The following TRIP4 variants were observed in gnomAD, a reference collection of about 807,000 sequenced individuals.
TRIP4 encodes the protein thyroid hormone receptor interactor 4, also known as activating signal cointegrator 1.
TRIP4 carries 54 observed loss-of-function variants against 81.8 expected under a neutral mutation model. The observed-to-expected ratio is 0.66, with a 90% CI of 0.53 to 0.83. The LOEUF (loss-of-function observed/expected upper bound fraction) is 0.83. Ranked by LOEUF, TRIP4 falls within the 40% of genes least tolerant of loss-of-function variation. TRIP4 has a pLI of 0.00. For missense variants in TRIP4, 662 were observed against 683.6 expected (o/e 0.97, Z 0.35); for synonymous variants, 270 against 242.8 (o/e 1.11, Z -1.04).
At chr15:64,451,019 A>C (rs1892745892) in intron 12 of TRIP4, 1 of 186,054 alleles carries the variant, frequency 5.4e-6, no homozygotes, top group African/African-American at 2.3e-5. Context: ...ATGAAAGGTG[A>C]AATTGAAACC....
chr15:64,424,890 C>G (rs990562278), intron 10 of TRIP4, among the ~76,000 whole-genome samples: 2 of 152,150 alleles, frequency 1.3e-5, no homozygotes, highest in African/African-American at 2.4e-5. Flanking sequence ...ATTCTCCTGC[C>G]TCAGCCTTCC....
chr15:64,418,874 G>A lies in TRIP4; in HGVS notation c.1358+146G>A, dbSNP rs1186441825. 1.5e-5 allele frequency: 11 copies of A among 717,856 alleles called. No individual in the cohort carries two copies. The Admixed American group carries it at 4.1e-4, about 27-fold the overall frequency. 44.5% of individuals were successfully genotyped at this position (717,856 alleles called of 1,614,324 possible). A position where few individuals can be genotyped will look rare whatever the true frequency, so the allele number is the denominator to read the frequency against. On this transcript the variant is annotated intron_variant, in intron 9 of 12. Transcript: ENST00000261884. ...ATAGAACTTTGAACAACATATTCAT[G>A]TTACTGACTTGGTAGCAGTATATTT...
At position 64,400,626 on chromosome 15, in the gene TRIP4, A is replaced by G. The variant is rs913500572; in HGVS notation, c.619-117A>G. 11 of 743,184 alleles carry G rather than the reference A, an allele frequency of 1.5e-5. No homozygotes were observed. The African/African-American group carries it at 1.9e-4, about 13-fold the overall frequency. The allele number at this position is 743,184 out of a possible 1,614,324, so 46.0% of individuals were successfully genotyped here. A position where few individuals can be genotyped will look rare whatever the true frequency, so the allele number is the denominator to read the frequency against. ...TGGTGTGTTTGGATTAAAAAACACC[A>G]ATAGTCTCATTATTTTATCATCATC... On this transcript the variant is annotated intron_variant, in intron 4 of 12. Transcript: ENST00000261884.
intron 12 of TRIP4, among the ~76,000 whole-genome samples, chr15:64,450,393 GAAAAAAA>G (rs1005400086): frequency 4.7e-4 from 22 of 46,930 alleles, no homozygotes; most frequent in African/African-American, 1.2e-3. Context: ...CGTCTCAAAA[GAAAAAAA>G]AAAAAAAAAA....
At chr15:64,416,740 C>G (rs994777466) in intron 8 of TRIP4, among the ~76,000 whole-genome samples, 4 of 151,994 alleles carry the variant, frequency 2.6e-5, no homozygotes, top group African/African-American at 9.6e-5. Flanking sequence ...AAGCAAGAAC[C>G]GTATCTTTTT....
intron 7 of TRIP4, among the ~76,000 whole-genome samples, chr15:64,410,591 A>T (rs1432649909): frequency 6.6e-6 from 1 of 152,226 alleles, no homozygotes; most frequent in Non-Finnish European, 1.5e-5. Flanking sequence ...TGCTGTAATA[A>T]GTTTCACTAA....
At chr15:64,424,547 T>C (rs1596351426) in intron 10 of TRIP4, among the ~76,000 whole-genome samples, 1 of 152,214 alleles carries the variant, frequency 6.6e-6, no homozygotes, top group Admixed American at 6.5e-5. Context: ...TCAAAGTTGA[T>C]TGATTTAAGC....
chr15:64,390,770 C>T (rs974807538), intron 1 of TRIP4, among the ~76,000 whole-genome samples: 64 of 151,726 alleles, frequency 4.2e-4, no homozygotes, highest in African/African-American at 1.5e-3. Flanking sequence ...TGACGGGCAC[C>T]TGTAATCCCA....
intron 2 of TRIP4, among the ~76,000 whole-genome samples, chr15:64,394,604 C>CAA (rs71133423): frequency 3.0e-4 from 16 of 52,934 alleles, no homozygotes; most frequent in African/African-American, 4.5e-4. Context: ...GACTCCATCT[C>CAA]AAAAAAAAAA....
chr15:64,452,229 G>A (rs990120206), intron 12 of TRIP4, among the ~76,000 whole-genome samples: 1 of 152,126 alleles, frequency 6.6e-6, no homozygotes, highest in Non-Finnish European at 1.5e-5. Flanking sequence ...CGATCTGCCT[G>A]CCTTGGCCTC....
intron 11 of TRIP4, among the ~76,000 whole-genome samples, chr15:64,440,045 A>G (rs1210620530): frequency 6.7e-6 from 1 of 149,966 alleles, no homozygotes; most frequent in East Asian, 1.9e-4. Flanking sequence ...GAAAATGGCA[A>G]AAGAAATTTA....
chr15:64,415,398 T>C, intron 8 of TRIP4, among the ~76,000 whole-genome samples: 1 of 152,266 alleles, frequency 6.6e-6, no homozygotes, highest in South Asian at 2.1e-4. Context: ...ACAAATTAGG[T>C]GACCTAAACA....
intron 9 of TRIP4, among the ~76,000 whole-genome samples, chr15:64,420,549 A>G (rs966678001): frequency 1.3e-5 from 2 of 149,992 alleles, no homozygotes; most frequent in African/African-American, 4.9e-5. Context: ...TTTGAAATGA[A>G]GTCTTGCTCT....
chr15:64,425,499 A>G (rs983597663), intron 10 of TRIP4, 41 bp from the exon 11 acceptor site: 8 of 1,539,152 alleles, frequency 5.2e-6, no homozygotes, highest in Non-Finnish European at 7.1e-6. Flanking sequence ...AAGATCACAA[A>G]GAAGGAAATT....
At chr15:64,440,157 C>G (rs1333961871) in intron 11 of TRIP4, among the ~76,000 whole-genome samples, 1 of 151,942 alleles carries the variant, frequency 6.6e-6, no homozygotes, top group African/African-American at 2.4e-5. Context: ...GGCTTGAGCC[C>G]TCCAGGTCAA....
At chr15:64,388,488 T>C (rs565715455) in intron 1 of TRIP4, among the ~76,000 whole-genome samples, 29 of 152,178 alleles carry the variant, frequency 1.9e-4, no homozygotes, top group African/African-American at 7.0e-4. Flanking sequence ...TAAAAATTTT[T>C]AGTAGAGTCA....
intron 6 of TRIP4, among the ~76,000 whole-genome samples, chr15:64,407,577 G>A (rs767587107): frequency 1.3e-4 from 20 of 152,100 alleles, no homozygotes; most frequent in Non-Finnish European, 2.5e-4. Context: ...TGAGGCAGGA[G>A]AATGGCATGA....
intron 1 of TRIP4, among the ~76,000 whole-genome samples, chr15:64,390,728 T>C (rs1303264304): frequency 6.6e-6 from 1 of 151,500 alleles, no homozygotes; most frequent in African/African-American, 2.4e-5. Flanking sequence ...CCGTCTCTAC[T>C]AAAAATACAA....
chr15:64,406,467 A>T lies in TRIP4; in HGVS notation c.827+8A>T. On this transcript the variant is annotated splice_region_variant and intron_variant, in intron 6 of 12. Transcript: ENST00000261884. ...AGAGTTTGACAGAACTAGGTATGAA[A>T]GGGTTAGAATAACAAATGCTAAGAA... The T allele has an allele frequency of 6.2e-7, 1 of 1,612,846 alleles. No individual in the cohort carries two copies. The highest frequency in any genetic ancestry group is 8.5e-7 in the Non-Finnish European group (1 of 1,179,678).
Sources: allele counts gnomAD v4.1 joint callset (sites outside exome capture counted in the v4.1 genomes callset), GRCh38; gene constraint gnomAD v4.1.1; transcripts MANE v1.5; gene names NCBI Gene and HGNC (gene_info 2026-07-23, HGNC 2026-07-21).